INSL3: variants seen among roughly 807,000 people sequenced by gnomAD.
INSL3 encodes insulin like 3, also known as insulin-like 3.
Under a neutral mutation model 5.5 loss-of-function variants are expected in INSL3, and 6 were observed. That is an observed-to-expected ratio of 1.08 (90% CI 0.59 to 2.14). INSL3 has a LOEUF of 2.14. Ranked by LOEUF, INSL3 falls within the 30% of genes most tolerant of loss-of-function variation. INSL3 has a pLI of 0.00. For missense variants in INSL3, 178 were observed against 184.7 expected, an observed-to-expected ratio of 0.96 and a Z score of 0.21; for synonymous variants, 86 against 82.1, an observed-to-expected ratio of 1.05 and a Z score of -0.26.
chr19:17,821,275 C>G lies in INSL3; in HGVS notation c.190+42G>C, dbSNP rs769186908. 5 of 1,538,964 alleles carry G rather than the reference C, an allele frequency of 3.2e-6. No homozygotes were observed. In the East Asian group the frequency reaches 1.2e-4, roughly 38 times the overall value. On this transcript the variant is annotated intron_variant, in intron 1 of 1. Coordinates refer to ENST00000317306, the MANE Select transcript of INSL3 (RefSeq NM_005543.4). ...TCTGCGCCTACGTGCACCTGCCCCA[C>G]CTCGGCTTCCCAGAGCGCTGTCCCT...
At chr19:17,819,646 C>T (rs1294606355) in intron 1 of INSL3, among the ~76,000 whole-genome samples, 1 of 151,954 alleles carries the variant, frequency 6.6e-6, no homozygotes, top group African/African-American at 2.4e-5. Context: ...TTGAGACCAT[C>T]CTTGCTAACA....
chr19:17,818,075 AG>A (rs921501542), intron 1 of INSL3, among the ~76,000 whole-genome samples: 1 of 152,036 alleles, frequency 6.6e-6, no homozygotes, highest in Non-Finnish European at 1.5e-5. Context: ...AGAGACATGC[AG>A]GGGTGTACAT....
At chr19:17,817,106 T>G in intron 1 of INSL3, 47 bp from the exon 2 acceptor site, 7 of 1,542,916 alleles carry the variant, frequency 4.5e-6, no homozygotes, top group Non-Finnish European at 6.2e-6. Context: ...ACAGAGGACA[T>G]GCTACCCCAT....
rs771215566 is a variant in INSL3 at position 17,816,912 on chromosome 19, C to T, written c.338G>A (p.Arg113His). The change falls in exon 2 of 2, where the codon CGC becomes CAC. Residue 113 changes from arginine (R) to histidine (H), a missense_variant. Transcript: ENST00000317306. The part of the protein sequence containing the change: ...HHRAAATNPA[R>H]YCCLSGCTQQ... ...GGTACAGCCACTGAGGCAGCAGTAG[C>T]GTGCAGGGTTGGTGGCAGCTGCACG... is the stretch of plus-strand genomic sequence containing the variant. The T allele has an allele frequency of 3.7e-6, 6 of 1,614,056 alleles. No individual in the cohort carries two copies. Among genetic ancestry groups the T allele is most frequent in the Middle Eastern group, 1.7e-4 (1 of 6,016 alleles).
At chr19:17,820,046 G>T (rs1485986604) in intron 1 of INSL3, among the ~76,000 whole-genome samples, 2 of 152,140 alleles carry the variant, frequency 1.3e-5, no homozygotes, top group African/African-American at 2.4e-5. Flanking sequence ...AGGAGGCGGA[G>T]GTTGCAGTGA....
rs573610875 is a variant in INSL3 at position 17,819,139 on chromosome 19, TG to T, written c.191-2081del. Among the ~76,000 whole-genome samples the T allele has an allele frequency of 9.2e-4, 135 of 147,200 alleles. 2 individuals carry two copies. In the East Asian group the frequency reaches 0.027, roughly 29 times the overall value. ...GTCACAGCTACTCAGGAGGCTGAGG[TG>T]GGCAGATTGCTTGAGTCTGGGAGGC... On this transcript the variant is annotated intron_variant, in intron 1 of 1. Transcript: ENST00000317306.
intron 1 of INSL3, among the ~76,000 whole-genome samples, chr19:17,819,377 A>AT: frequency 6.6e-6 from 1 of 152,068 alleles, no homozygotes; most frequent in Non-Finnish European, 1.5e-5. Flanking sequence ...CCTCCTGAGT[A>AT]GCAGGGATTA....
In INSL3 at chr19:17,821,449, C is replaced by A; in HGVS notation, c.58G>T (p.Ala20Ser). ...TCTGGGGTGGGCGCGGGGCCCAACG[C>A]GAACACCAGGGCAGGGCCCAGCAGC... ...LVLLGPALVF[A>S]LGPAPTPEMR... is the part of the protein sequence containing the mutation. Residue 20 changes from alanine (A) to serine (S), a missense_variant, in exon 1 of 2, where the codon GCG (alanine) becomes TCG (serine). Transcript: ENST00000317306. 6.5e-7 allele frequency: 1 copy of A among 1,541,580 alleles called. No homozygotes were observed. The highest frequency in any genetic ancestry group is 8.8e-7 in the Non-Finnish European group (1 of 1,140,958).
At chr19:17,820,430 G>T in intron 1 of INSL3, 1 of 373,174 alleles carries the variant, frequency 2.7e-6, no homozygotes. Flanking sequence ...GGTCAAGGTG[G>T]GAGGATTACT....
intron 1 of INSL3, among the ~76,000 whole-genome samples, chr19:17,820,085 CG>C (rs1298049441): frequency 6.6e-6 from 1 of 150,814 alleles, no homozygotes; most frequent in Non-Finnish European, 1.5e-5. Context: ...CACTTCAGCC[CG>C]GGTGACAGAG....
At position 17,816,758 on chromosome 19, in the gene INSL3, TA is replaced by T; in HGVS notation, c.*95del. The T allele has an allele frequency of 8.3e-7, 1 of 1,211,894 alleles. No homozygotes were observed. The highest frequency in any genetic ancestry group is 1.2e-6 in the Non-Finnish European group (1 of 831,452). 75.1% of individuals were successfully genotyped at this position (1,211,894 alleles called of 1,614,324 possible). ...ATCCCAGGAGGTAATCAAAGGCCTG[TA>T]GATGCGAGACTTTATGGTGCTGTGT... On this transcript the variant is annotated 3_prime_UTR_variant, in exon 2 of 2. Transcript: ENST00000317306.
At position 17,816,720 on chromosome 19, in the gene INSL3, A is replaced by G. The variant is rs2094188227; in HGVS notation, c.*134T>C. ...TGCAGGTGGCATTGGTCTGGGGTAG[A>G]TAGTGAGCACCCATCCCAGGAGGTA... On this transcript the variant is annotated 3_prime_UTR_variant, in exon 2 of 2. Coordinates refer to ENST00000317306, the MANE Select transcript of INSL3 (RefSeq NM_005543.4). 1.3e-6 allele frequency: 1 copy of G among 799,642 alleles called. No individual in the cohort carries two copies. The highest frequency in any genetic ancestry group is 2.0e-5 in the Admixed American group (1 of 49,056). 49.5% of individuals were successfully genotyped at this position (799,642 alleles called of 1,614,324 possible). A position where few individuals can be genotyped will look rare whatever the true frequency, so the allele number is the denominator to read the frequency against.
At chr19:17,819,821 G>A (rs1267258708) in intron 1 of INSL3, among the ~76,000 whole-genome samples, 1 of 151,886 alleles carries the variant, frequency 6.6e-6, no homozygotes, top group Non-Finnish European at 1.5e-5. Flanking sequence ...CAGCCTGGGG[G>A]ACAGAGCGAG....
chr19:17,820,815 CTTTTT>C (rs11339511), intron 1 of INSL3, among the ~76,000 whole-genome samples: 1 of 127,882 alleles, frequency 7.8e-6, no homozygotes, highest in Non-Finnish European at 1.6e-5. Context: ...TGAGGACTTT[CTTTTT>C]TTTTTTTTTT....
intron 1 of INSL3, among the ~76,000 whole-genome samples, chr19:17,817,818 A>AAAAAAAAAT (rs2094190114): frequency 3.4e-5 from 5 of 148,828 alleles, no homozygotes; most frequent in African/African-American, 5.0e-5. Flanking sequence ...AAAAAAAAAA[A>AAAAAAAAAT]GCGAGCACTT....
chr19:17,821,030 A>G (rs772607553), intron 1 of INSL3, among the ~76,000 whole-genome samples: 52 of 152,088 alleles, frequency 3.4e-4, no homozygotes, highest in Non-Finnish European at 6.8e-4. Context: ...CATTTTGGCC[A>G]GGCTGGTCTC....
At chr19:17,817,846 C>G (rs182013663) in intron 1 of INSL3, among the ~76,000 whole-genome samples, 32 of 144,604 alleles carry the variant, frequency 2.2e-4, no homozygotes, top group African/African-American at 6.9e-4. Context: ...ACCTACTGTA[C>G]GCCAGGCACC....
rs1421882975 is a variant in INSL3, at chr19:17,821,316, C to T, written c.190+1G>A. 6 of 1,546,424 alleles carry T rather than the reference C, an allele frequency of 3.9e-6. No homozygotes were observed. In the South Asian group the frequency reaches 4.8e-5, roughly 12 times the overall value. ...CGCTGTCCCTGCCCGTCCCCACTCA[C>T]GGTCGCCTCCGGTCGCAGGCCTCCT... is the stretch of plus-strand genomic sequence containing the variant. On this transcript the variant is annotated splice_donor_variant, in intron 1 of 1. Coordinates refer to ENST00000317306, the MANE Select transcript of INSL3 (RefSeq NM_005543.4). LOFTEE classifies it high-confidence loss of function.
intron 1 of INSL3, among the ~76,000 whole-genome samples, chr19:17,819,103 G>A (rs994803623): frequency 1.2e-4 from 18 of 150,988 alleles, no homozygotes; most frequent in Non-Finnish European, 1.3e-4. Context: ...TCACCAGCCT[G>A]AGAGTAGCTA....
Sources: gnomAD v4.1 joint callset for allele counts (sites outside exome capture counted in the v4.1 genomes callset) on GRCh38, gnomAD v4.1.1 for gene constraint, MANE v1.5 for transcripts, NCBI Gene and HGNC (gene_info 2026-07-23, HGNC 2026-07-21) for gene names.